SMURF2: variants seen among roughly 807,000 people sequenced by gnomAD.
SMURF2 encodes the protein E3 ubiquitin-protein ligase SMURF2.
In SMURF2, 48 loss-of-function variants were observed where a neutral mutation model predicts 109.6. The ratio of observed to expected loss-of-function variants is 0.44; its 90% CI spans 0.35 to 0.56. The LOEUF (loss-of-function observed/expected upper bound fraction) is 0.56. SMURF2 is among the 20% of genes least tolerant of loss of function. The pLI is 0.01. For missense variants in SMURF2, 575 were observed against 909.0 expected, an observed-to-expected ratio of 0.63 and a Z score of 4.72; for synonymous variants, 288 against 317.1, an observed-to-expected ratio of 0.91 and a Z score of 0.97.
At chr17:64,609,980 T>C (rs1970021867) in intron 1 of SMURF2, among the ~76,000 whole-genome samples, 1 of 151,388 alleles carries the variant, frequency 6.6e-6, no homozygotes, top group Admixed American at 6.6e-5. Context: ...AGAAGACATT[T>C]ATGCAGCCAA....
At position 64,557,713 on chromosome 17, in the gene SMURF2, C is replaced by G. The variant is rs1555684153; in HGVS notation, c.1326G>C (p.Leu442Phe). ...TCAACATTTCATGTGACAAGAGATA[C>G]AACCATTCCCTAGAAAACAAGATAT... is the stretch of plus-strand genomic sequence containing the variant. ...LDYGGVAREW[L>F]YLLSHEMLNP... The change falls in exon 13 of 19, where the codon TTG becomes TTC. Residue 442 changes from leucine to phenylalanine, a missense_variant. Leu to Phe is a conservative substitution (Grantham distance 22, BLOSUM62 0). Transcript: ENST00000262435. 4 of 1,598,244 alleles carry G rather than the reference C, an allele frequency of 2.5e-6. No individual in the cohort carries two copies. Among genetic ancestry groups the G allele is most frequent in the Admixed American group, 3.4e-5 (2 of 58,666 alleles).
Position 64,544,811 on chromosome 17 carries a change from T to C in SMURF2, c.*1037A>G, listed in dbSNP as rs1555682937. On this transcript the variant is annotated 3_prime_UTR_variant, in exon 19 of 19. Coordinates refer to ENST00000262435, the MANE Select transcript of SMURF2 (RefSeq NM_022739.4). ...TTTCATAACTGTAGCTGATTAAAAT[T>C]ATGAGCAGTTAACGCTTTAGGATGG... 1 of 152,584 alleles carries C rather than the reference T, an allele frequency of 6.6e-6. No homozygotes were observed. The allele number at this position is 152,584 out of a possible 1,614,324, so 9.5% of individuals were successfully genotyped here.
intron 13 of SMURF2, among the ~76,000 whole-genome samples, chr17:64,556,560 G>A (rs948806697): frequency 9.2e-5 from 14 of 152,112 alleles, no homozygotes; most frequent in Non-Finnish European, 1.9e-4. Flanking sequence ...GCATCTCTAT[G>A]AGGAGTAAAA....
chr17:64,652,802 C>A (rs574136191), intron 1 of SMURF2, among the ~76,000 whole-genome samples: 1 of 151,856 alleles, frequency 6.6e-6, no homozygotes, highest in Non-Finnish European at 1.5e-5. Context: ...TACCAAGGTG[C>A]CAAGACAATT....
chr17:64,572,491 T>A (rs1040865898), intron 9 of SMURF2, among the ~76,000 whole-genome samples: 1 of 152,214 alleles, frequency 6.6e-6, no homozygotes, highest in Non-Finnish European at 1.5e-5. Flanking sequence ...TTCTAAAATC[T>A]GTAAAGTTAG....
At chr17:64,612,551 G>C (rs1244580215) in intron 1 of SMURF2, among the ~76,000 whole-genome samples, 2 of 151,726 alleles carry the variant, frequency 1.3e-5, no homozygotes, top group African/African-American at 4.8e-5. Flanking sequence ...GCACACACAT[G>C]TAGTCTCAGC....
In SMURF2 at chr17:64,544,805, TA is replaced by T. The variant is rs1968922665; in HGVS notation, c.*1042del. On this transcript the variant is annotated 3_prime_UTR_variant, in exon 19 of 19. Transcript: ENST00000262435. Reference sequence around the variant, plus strand: ...TTCCTTTTTCATAACTGTAGCTGATTAAAATTATGAGCAGTTAACGCTTTAG... The same window carrying T: ...TTCCTTTTTCATAACTGTAGCTGATTAAATTATGAGCAGTTAACGCTTTAG... 3 of 152,684 alleles carry T rather than the reference TA, an allele frequency of 2.0e-5. No homozygotes were observed. The South Asian group carries it at 6.2e-4, about 32-fold the overall frequency. 9.5% of individuals were successfully genotyped at this position (152,684 alleles called of 1,614,324 possible).
chr17:64,653,948 A>AT (rs1277116421), intron 1 of SMURF2, among the ~76,000 whole-genome samples: 1 of 152,206 alleles, frequency 6.6e-6, no homozygotes, highest in Non-Finnish European at 1.5e-5. Context: ...TCTCAAAAGC[A>AT]TTACGCTAAA....
intron 1 of SMURF2, among the ~76,000 whole-genome samples, chr17:64,624,441 C>A (rs1236517292): frequency 6.6e-6 from 1 of 150,412 alleles, no homozygotes; most frequent in Non-Finnish European, 1.5e-5. Context: ...TCCAGCCATT[C>A]TCCTGCCTCA....
intron 1 of SMURF2, among the ~76,000 whole-genome samples, chr17:64,639,533 C>T (rs1970466303): frequency 6.6e-6 from 1 of 151,904 alleles, no homozygotes; most frequent in African/African-American, 2.4e-5. Flanking sequence ...ATTGAGATCG[C>T]ACCACTGCAC....
intron 4 of SMURF2, among the ~76,000 whole-genome samples, chr17:64,591,425 G>A (rs530964164): frequency 1.3e-5 from 2 of 152,224 alleles, no homozygotes; most frequent in East Asian, 3.9e-4. Context: ...GACAATATGT[G>A]AATCCTCATA....
chr17:64,555,701 A>G, intron 14 of SMURF2, 119 bp downstream of exon 14: 1 of 597,444 alleles, frequency 1.7e-6, no homozygotes, highest in East Asian at 3.0e-5. Context: ...ATGCGATCCT[A>G]TCACTCAAAT....
chr17:64,554,110 C>T (rs1160023124), intron 15 of SMURF2, among the ~76,000 whole-genome samples: 1 of 152,210 alleles, frequency 6.6e-6, no homozygotes, highest in Non-Finnish European at 1.5e-5. Flanking sequence ...ACAATGTGCT[C>T]ATTTATAAAC....
intron 1 of SMURF2, among the ~76,000 whole-genome samples, chr17:64,654,518 C>T (rs1048916216): frequency 6.6e-6 from 1 of 152,024 alleles, no homozygotes; most frequent in Admixed American, 6.6e-5. Context: ...TAACAAGTAC[C>T]AAACACTGAC....
chr17:64,603,577 T>TCA (rs201946498), intron 2 of SMURF2, among the ~76,000 whole-genome samples: 7,131 of 138,102 alleles, frequency 0.052, 293 homozygotes, highest in Admixed American at 0.14. Flanking sequence ...CAAGACTCCG[T>TCA]CGGGGGAAAA....
At chr17:64,605,055 A>G (rs1176468178) in intron 2 of SMURF2, among the ~76,000 whole-genome samples, 1 of 151,790 alleles carries the variant, frequency 6.6e-6, no homozygotes. Context: ...GATCAACCTT[A>G]TCAAAGGTTA....
chr17:64,629,335 T>C (rs1174366926), intron 1 of SMURF2, among the ~76,000 whole-genome samples: 1 of 152,140 alleles, frequency 6.6e-6, no homozygotes, highest in African/African-American at 2.4e-5. Flanking sequence ...ACCCTGTCTC[T>C]ATAAAAAAAA....
intron 8 of SMURF2, 139 bp downstream of exon 8, chr17:64,580,650 A>G (rs377643170): frequency 1.4e-5 from 12 of 834,472 alleles, no homozygotes; most frequent in African/African-American, 1.0e-4. Flanking sequence ...AGACTTTTCA[A>G]AGTTGGGAGG....
At chr17:64,564,385 C>T (rs1173597914) in intron 10 of SMURF2, among the ~76,000 whole-genome samples, 1 of 152,110 alleles carries the variant, frequency 6.6e-6, no homozygotes, top group Non-Finnish European at 1.5e-5. Context: ...AACTAATATA[C>T]TGACAGAAAG....
Sources: allele counts gnomAD v4.1 joint callset (sites outside exome capture counted in the v4.1 genomes callset), GRCh38; gene constraint gnomAD v4.1.1; transcripts MANE v1.5; gene names NCBI Gene and HGNC (gene_info 2026-07-23, HGNC 2026-07-21).